The following CRPPA variants were observed in gnomAD, a reference collection of about 807,000 sequenced individuals.
CRPPA encodes the protein CDP-L-ribitol pyrophosphorylase A, also known as D-ribitol-5-phosphate cytidylyltransferase.
In CRPPA, 43 loss-of-function variants were observed where a neutral mutation model predicts 52.0. The observed-to-expected ratio is 0.83, with a 90% CI of 0.65 to 1.07. CRPPA has a LOEUF of 1.07. Among genes scored for constraint, CRPPA ranks in the 50% least tolerant of loss-of-function variants. The pLI, the probability that CRPPA is intolerant of heterozygous loss-of-function variation, is 0.00. For synonymous variants in CRPPA, 250 were observed against 203.5 expected (o/e 1.23, Z -1.94); for missense variants, 629 against 551.7 (o/e 1.14, Z -1.40).
intron 2 of CRPPA, among the ~76,000 whole-genome samples, chr7:16,397,228 G>T (rs1420660990): frequency 6.6e-6 from 1 of 152,220 alleles, no homozygotes; most frequent in Non-Finnish European, 1.5e-5. Context: ...TATGTGATAC[G>T]AACATAACAT....
intron 2 of CRPPA, among the ~76,000 whole-genome samples, chr7:16,386,611 G>A (rs968542842): frequency 2.0e-5 from 3 of 152,126 alleles, no homozygotes; most frequent in African/African-American, 7.2e-5. Context: ...AAAAGGAGGT[G>A]GATAGGGATA....
intron 5 of CRPPA, among the ~76,000 whole-genome samples, chr7:16,281,785 T>G (rs1038199537): frequency 1.3e-5 from 2 of 152,208 alleles, no homozygotes; most frequent in Non-Finnish European, 2.9e-5. Context: ...ATTATTCACA[T>G]TCTCTATTTT....
intron 3 of CRPPA, among the ~76,000 whole-genome samples, chr7:16,333,192 T>A (rs1785597280): frequency 6.6e-6 from 1 of 152,116 alleles, no homozygotes; most frequent in African/African-American, 2.4e-5. Context: ...CTATCAGAAA[T>A]GGACATACTC....
intron 3 of CRPPA, among the ~76,000 whole-genome samples, chr7:16,366,349 G>C (rs1786587891): frequency 6.6e-6 from 1 of 152,218 alleles, no homozygotes; most frequent in South Asian, 2.1e-4. Context: ...ATACAAAGCT[G>C]CATCCTCACT....
At chr7:16,345,683 C>A (rs1032394718) in intron 3 of CRPPA, among the ~76,000 whole-genome samples, 1 of 152,086 alleles carries the variant, frequency 6.6e-6, no homozygotes, top group African/African-American at 2.4e-5. Flanking sequence ...GTAGGATATA[C>A]AGACATACTG....
chr7:16,149,284 C>G (rs1031521836), intron 9 of CRPPA, among the ~76,000 whole-genome samples: 1 of 152,162 alleles, frequency 6.6e-6, no homozygotes. Flanking sequence ...TTTGGCTCCT[C>G]TTGGTCAAGT....
chr7:16,176,566 C>T (rs1173917599), intron 9 of CRPPA, among the ~76,000 whole-genome samples: 1 of 152,112 alleles, frequency 6.6e-6, no homozygotes, highest in Non-Finnish European at 1.5e-5. Flanking sequence ...ACATTTCTAG[C>T]ATAATGCAAA....
At position 16,421,125 on chromosome 7, in the gene CRPPA, C is replaced by A. The variant is rs1420960408; in HGVS notation, c.198G>T (p.Lys66Asn). The A allele has an allele frequency of 1.5e-6, 2 of 1,322,122 alleles. No individual in the cohort carries two copies. The highest frequency in any genetic ancestry group is 4.0e-5 in the Admixed American group (1 of 25,260). The allele number at this position is 1,322,122 out of a possible 1,614,324, so 81.9% of individuals were successfully genotyped here. A position where few individuals can be genotyped will look rare whatever the true frequency, so the allele number is the denominator to read the frequency against. ...GCCTCTCCAGGATGGGGCAGAATTG[C>A]TTCGGGGTGGGGACCCCCATCCTCT... ...CGERMGVPTP[K>N]QFCPILERPL... Residue 66 changes from lysine to asparagine, a missense_variant, in exon 1 of 10, where the codon AAG becomes AAT. Physicochemically the swap from Lys to Asn is moderately conservative, Grantham distance 94. Coordinates refer to ENST00000407010, the MANE Select transcript of CRPPA (RefSeq NM_001101426.4).
At chr7:16,225,231 A>G (rs985382230) in intron 8 of CRPPA, among the ~76,000 whole-genome samples, 11 of 152,068 alleles carry the variant, frequency 7.2e-5, no homozygotes, top group African/African-American at 2.4e-4. Flanking sequence ...TAATGAAACC[A>G]GAAACTCACA....
intron 8 of CRPPA, among the ~76,000 whole-genome samples, chr7:16,247,413 G>A (rs76838674): frequency 6.6e-6 from 1 of 152,262 alleles, no homozygotes; most frequent in Non-Finnish European, 1.5e-5. Context: ...TCAAAGAGAA[G>A]GAGAGAGATG....
In CRPPA at chr7:16,280,024, G is replaced by A. The variant is rs191954819; in HGVS notation, c.836-1798C>T. 3.7e-3 allele frequency among the ~76,000 whole-genome samples: 559 copies of A among 152,276 alleles called. 5 individuals are homozygous for A. The highest frequency in any genetic ancestry group is 0.013 in the African/African-American group (526 of 41,554). ...GGGAAGAGAAGAGAGCTTGTGCAGG[G>A]AAACTCCTCTTTTTAAAACTATCAG... On this transcript the variant is annotated intron_variant, in intron 5 of 9. Transcript: ENST00000407010.
At chr7:16,263,521 GT>G (rs1783869319) in intron 6 of CRPPA, among the ~76,000 whole-genome samples, 1 of 152,200 alleles carries the variant, frequency 6.6e-6, no homozygotes, top group African/African-American at 2.4e-5. Context: ...GGAGGCCGAG[GT>G]GGGTGGATCA....
At chr7:16,281,066 G>A (rs1474133995) in intron 5 of CRPPA, among the ~76,000 whole-genome samples, 1 of 152,148 alleles carries the variant, frequency 6.6e-6, no homozygotes, top group Non-Finnish European at 1.5e-5. Flanking sequence ...CCATGTTTCA[G>A]TTACCCTAAA....
chr7:16,400,561 T>C (rs1292069289), intron 2 of CRPPA, among the ~76,000 whole-genome samples: 1 of 152,190 alleles, frequency 6.6e-6, no homozygotes, highest in Non-Finnish European at 1.5e-5. Context: ...GATCGACACT[T>C]GACTGACACA....
chr7:16,192,576 C>G (rs576195587), intron 9 of CRPPA, among the ~76,000 whole-genome samples: 1 of 152,206 alleles, frequency 6.6e-6, no homozygotes, highest in East Asian at 1.9e-4. Flanking sequence ...ATTCTGATTT[C>G]TATTACCTTA....
chr7:16,333,625 C>T (rs1171565475), intron 3 of CRPPA, among the ~76,000 whole-genome samples: 3 of 151,842 alleles, frequency 2.0e-5, no homozygotes, highest in African/African-American at 7.3e-5. Context: ...CCATGGGAAA[C>T]CAAAAAGAGT....
intron 8 of CRPPA, among the ~76,000 whole-genome samples, chr7:16,243,776 G>A (rs893720932): frequency 1.3e-5 from 2 of 151,984 alleles, no homozygotes; most frequent in African/African-American, 4.8e-5. Flanking sequence ...GACCAGATTG[G>A]GCAGCACAAC....
intron 5 of CRPPA, among the ~76,000 whole-genome samples, chr7:16,288,184 T>G (rs1453181242): frequency 6.6e-6 from 1 of 152,106 alleles, no homozygotes; most frequent in African/African-American, 2.4e-5. Flanking sequence ...GACTAATATA[T>G]ACATTTCCTT....
chr7:16,287,905 AAAAG>A (rs1181172978), intron 5 of CRPPA, among the ~76,000 whole-genome samples: 1 of 148,494 alleles, frequency 6.7e-6, no homozygotes, highest in South Asian at 2.2e-4. Context: ...CTGGGTGAAA[AAAAG>A]AAAGGAAGGA....
Sources: gnomAD v4.1 joint callset for allele counts (sites outside exome capture counted in the v4.1 genomes callset) on GRCh38, gnomAD v4.1.1 for gene constraint, MANE v1.5 for transcripts, NCBI Gene and HGNC (gene_info 2026-07-23, HGNC 2026-07-21) for gene names.